The following KIRREL3 variants were observed in gnomAD, a reference collection of about 807,000 sequenced individuals.
The protein encoded by KIRREL3 is kirre like nephrin family adhesion molecule 3, also known as kin of IRRE-like protein 3.
In KIRREL3, 36 loss-of-function variants were observed where a neutral mutation model predicts 89.7. That is an observed-to-expected ratio of 0.40 (90% CI 0.31 to 0.53). The LOEUF is 0.53. Among genes scored for constraint, KIRREL3 ranks in the 20% least tolerant of loss-of-function variants. The probability of loss-of-function intolerance (pLI) is 0.49; values close to 1 mark genes in which losing one functional copy is unlikely to be tolerated. For missense variants in KIRREL3, 864 were observed against 1,056.6 expected, an observed-to-expected ratio of 0.82 and a Z score of 2.53; for synonymous variants, 445 against 441.4, an observed-to-expected ratio of 1.01 and a Z score of -0.10.
chr11:126,610,187 T>A lies in KIRREL3; in HGVS notation c.56-47275A>T, dbSNP rs1943068054. On this transcript the variant is annotated intron_variant, in intron 1 of 16. Coordinates refer to ENST00000525144, the MANE Select transcript of KIRREL3 (RefSeq NM_032531.4). This position sits in a 1 kb window ranked among gnomAD's most constrained non-coding sequence, Gnocchi z 4.6. ...CTCACTGCAACCTTCGCCTCCCAGG[T>A]TCAAGCGATTCTCCTGCCTCAGCCT... Among the ~76,000 whole-genome samples the A allele has an allele frequency of 1.3e-5, 2 of 151,914 alleles. No individual in the cohort carries two copies. Among genetic ancestry groups the A allele is most frequent in the African/African-American group, 4.8e-5 (2 of 41,330 alleles).
rs186430021 is a variant in KIRREL3 at position 126,844,724 on chromosome 11, C to A, written c.55+155731G>T. ...GTTTGGCACTATAGGATGTTAACTG[C>A]TATTCTCTTTGGATTATTTTACTTG... is the stretch of plus-strand genomic sequence containing the variant. On this transcript the variant is annotated intron_variant, in intron 1 of 16. Coordinates refer to ENST00000525144, the MANE Select transcript of KIRREL3 (RefSeq NM_032531.4). This position sits in a 1 kb window ranked among gnomAD's most constrained non-coding sequence, Gnocchi z 4.8. Among the ~76,000 whole-genome samples, 145 of 152,260 alleles carry A rather than the reference C, an allele frequency of 9.5e-4. 2 individuals are homozygous for A. Among genetic ancestry groups the A allele is most frequent in the African/African-American group, 3.1e-3 (127 of 41,546 alleles).
rs574871919 is a variant in KIRREL3 at position 126,462,900 on chromosome 11, G to A, written c.742+257C>T. ...GCAGCAGCTGACCGTATTTATTGGT[G>A]TGAAAGTCCCACCTTGTACAGGTGT... On this transcript the variant is annotated intron_variant, in intron 6 of 16. Coordinates refer to ENST00000525144, the MANE Select transcript of KIRREL3 (RefSeq NM_032531.4). The surrounding 1 kb of genome is among the most constrained non-coding windows in gnomAD (Gnocchi z 4.8). Among the ~76,000 whole-genome samples the A allele has an allele frequency of 2.0e-5, 3 of 152,316 alleles. No individual in the cohort carries two copies. In the South Asian group the frequency reaches 6.2e-4, roughly 32 times the overall value.
chr11:126,612,863 C>A lies in KIRREL3; in HGVS notation c.56-49951G>T, dbSNP rs905588810. On this transcript the variant is annotated intron_variant, in intron 1 of 16. Coordinates refer to ENST00000525144, the MANE Select transcript of KIRREL3 (RefSeq NM_032531.4). This position sits in a 1 kb window ranked among gnomAD's most constrained non-coding sequence, Gnocchi z 4.5. ...TAACATTCCATGGCATAGCTATAAG[C>A]GCATTTTGTCCATTCATCATCTGCT... Among the ~76,000 whole-genome samples the A allele has an allele frequency of 2.0e-5, 3 of 152,148 alleles. No individual in the cohort carries two copies. Among genetic ancestry groups the A allele is most frequent in the African/African-American group, 7.2e-5 (3 of 41,426 alleles).
intron 7 of KIRREL3, among the ~76,000 whole-genome samples, chr11:126,449,662 A>T (rs576140481): frequency 3.9e-5 from 6 of 152,326 alleles, no homozygotes; most frequent in Non-Finnish European, 5.9e-5. Flanking sequence ...CAAGGCGAGA[A>T]GCTGTAGGAG....
intron 1 of KIRREL3, among the ~76,000 whole-genome samples, chr11:126,619,896 G>A (rs977745437): frequency 2.0e-5 from 3 of 152,232 alleles, no homozygotes; most frequent in Admixed American, 6.5e-5. Context: ...ACAGGCATGC[G>A]GTTTCTTCAT....
chr11:126,913,778 G>A (rs1946922203), intron 1 of KIRREL3, among the ~76,000 whole-genome samples: 1 of 152,152 alleles, frequency 6.6e-6, no homozygotes, highest in South Asian at 2.1e-4. Context: ...TACCATATAA[G>A]AGCTGAGTGA....
At chr11:126,450,933 G>A (rs1422996552) in intron 7 of KIRREL3, among the ~76,000 whole-genome samples, 3 of 151,332 alleles carry the variant, frequency 2.0e-5, no homozygotes, top group Non-Finnish European at 4.4e-5. Flanking sequence ...ATGTGTGCAT[G>A]TGTGTGGGCG....
chr11:126,479,486 C>G (rs1311337859), intron 4 of KIRREL3, among the ~76,000 whole-genome samples: 1 of 152,236 alleles, frequency 6.6e-6, no homozygotes, highest in Non-Finnish European at 1.5e-5. Flanking sequence ...CTCCTGGGAG[C>G]TTGTTAGAAA....
Position 126,614,064 on chromosome 11 carries a change from G to C in KIRREL3, c.56-51152C>G. Among the ~76,000 whole-genome samples, 1 of 152,048 alleles carries C rather than the reference G, an allele frequency of 6.6e-6. No individual in the cohort carries two copies. Among genetic ancestry groups the C allele is most frequent in the Admixed American group, 6.5e-5 (1 of 15,270 alleles). ...AATTCTTTTGGCTGAAAACTGAATAGAGTTCTCCCTTTGTGGGTGGCATTT... is the reference window on the plus strand; with the variant it reads ...AATTCTTTTGGCTGAAAACTGAATACAGTTCTCCCTTTGTGGGTGGCATTT... On this transcript the variant is annotated intron_variant, in intron 1 of 16. Transcript: ENST00000525144. This position sits in a 1 kb window ranked among gnomAD's most constrained non-coding sequence, Gnocchi z 4.6.
intron 1 of KIRREL3, among the ~76,000 whole-genome samples, chr11:126,816,557 A>G (rs567811137): frequency 5.5e-4 from 84 of 152,354 alleles, no homozygotes; most frequent in African/African-American, 2.0e-3. Flanking sequence ...AGTCCTGGCT[A>G]TGTTTCCATT....
chr11:126,777,826 G>T (rs1950212336), intron 1 of KIRREL3, among the ~76,000 whole-genome samples: 3 of 152,082 alleles, frequency 2.0e-5, no homozygotes, highest in Admixed American at 1.3e-4. Flanking sequence ...CAGCCTTCTT[G>T]TTAGATTGTG....
At position 126,991,693 on chromosome 11, in the gene KIRREL3, G is replaced by T. The variant is rs1329363928; in HGVS notation, c.55+8762C>A. On this transcript the variant is annotated intron_variant, in intron 1 of 16. Transcript: ENST00000525144. The surrounding 1 kb of genome is among the most constrained non-coding windows in gnomAD (Gnocchi z 5.8). The stretch of plus-strand genomic sequence containing the variant: ...TACAATGCTGCCTCCTTGTTCGAAG[G>T]TCAGACCTGGGATTCGGATGCATGA... Among the ~76,000 whole-genome samples the T allele has an allele frequency of 1.3e-5, 2 of 152,156 alleles. No homozygotes were observed. The highest frequency in any genetic ancestry group is 1.5e-5 in the Non-Finnish European group (1 of 68,032).
intron 1 of KIRREL3, among the ~76,000 whole-genome samples, chr11:126,823,891 C>T (rs4579937): frequency 0.86 from 131,097 of 151,872 alleles, 56,931 homozygotes; most frequent in East Asian, 1. Context: ...AAGCACACTC[C>T]GGGAGGCCGG....
At chr11:126,662,179 G>T (rs916431468) in intron 1 of KIRREL3, among the ~76,000 whole-genome samples, 1 of 152,184 alleles carries the variant, frequency 6.6e-6, no homozygotes, top group Non-Finnish European at 1.5e-5. Context: ...AGTCACAGAG[G>T]CTTCGGGCAA....
Position 126,424,737 on chromosome 11 carries a change from C to T in KIRREL3, c.2180G>A (p.Cys727Tyr), listed in dbSNP as rs1954864043. 6.2e-7 allele frequency: 1 copy of T among 1,614,050 alleles called. No individual in the cohort carries two copies. Among genetic ancestry groups the T allele is most frequent in the Non-Finnish European group, 8.5e-7 (1 of 1,179,890 alleles). ...GCCGCTGCTGCTGACGCTGCTGTCA[C>T]ACTGCGTGTCCAGGAAGGAGCTGCT... ...SDSSSFLDTQ[C>Y]DSSVSSSGKQ... Residue 727 changes from cysteine to tyrosine, a missense_variant, in exon 17 of 17, where the codon TGT becomes TAT. By Grantham distance (194) the Cys-to-Tyr change is radical (BLOSUM62 -2). Coordinates refer to ENST00000525144, the MANE Select transcript of KIRREL3 (RefSeq NM_032531.4).
rs747107679 is a variant in KIRREL3, at chr11:126,653,767, A to G, written c.56-90855T>C. On this transcript the variant is annotated intron_variant, in intron 1 of 16. Transcript: ENST00000525144. The surrounding 1 kb of genome is among the most constrained non-coding windows in gnomAD (Gnocchi z 5.4). ...TTCACGGACATTCCATAAAAAGTGC[A>G]CGGTGGAACCTGAGAAGGTGGAGAA... Among the ~76,000 whole-genome samples, 1 of 152,244 alleles carries G rather than the reference A, an allele frequency of 6.6e-6. No individual in the cohort carries two copies. The highest frequency in any genetic ancestry group is 1.5e-5 in the Non-Finnish European group (1 of 68,044).
rs1945091562 is a variant in KIRREL3 at position 126,655,439 on chromosome 11, T to C, written c.56-92527A>G. ...CCTGAAAAGCCTGCCTCTTTTCTCCTTCACCCCTCCACTCCCCCCACAAAC... is the reference window on the plus strand; with the variant it reads ...CCTGAAAAGCCTGCCTCTTTTCTCCCTCACCCCTCCACTCCCCCCACAAAC... On this transcript the variant is annotated intron_variant, in intron 1 of 16. Transcript: ENST00000525144. This position sits in a 1 kb window ranked among gnomAD's most constrained non-coding sequence, Gnocchi z 5.0. Among the ~76,000 whole-genome samples the C allele has an allele frequency of 6.6e-6, 1 of 152,066 alleles. No individual in the cohort carries two copies. The highest frequency in any genetic ancestry group is 2.1e-4 in the South Asian group (1 of 4,820).
intron 1 of KIRREL3, among the ~76,000 whole-genome samples, chr11:126,822,116 G>T (rs1943246257): frequency 6.6e-6 from 1 of 152,098 alleles, no homozygotes; most frequent in African/African-American, 2.4e-5. Flanking sequence ...TGTAACCTTG[G>T]GCAAGCCCCT....
chr11:126,711,871 G>A (rs1305114940), intron 1 of KIRREL3, among the ~76,000 whole-genome samples: 1 of 152,146 alleles, frequency 6.6e-6, no homozygotes, highest in Non-Finnish European at 1.5e-5. Context: ...CATGGGCGGC[G>A]GTGGGAGCCG....
Sources: gnomAD v4.1 joint callset for allele counts (sites outside exome capture counted in the v4.1 genomes callset) on GRCh38, gnomAD v4.1.1 for gene constraint, Gnocchi (gnomAD v3.1) non-coding constraint, MANE v1.5 for transcripts, NCBI Gene and HGNC (gene_info 2026-07-23, HGNC 2026-07-21) for gene names.